MICU1: variants seen among roughly 807,000 people sequenced by gnomAD.
MICU1 encodes the protein calcium uptake protein 1, mitochondrial.
A neutral mutation model predicts 56.8 loss-of-function variants in MICU1; 45 were observed. The ratio of observed to expected loss-of-function variants is 0.79; its 90% CI spans 0.62 to 1.02. The LOEUF is 1.02. Ranked by LOEUF, MICU1 falls within the 50% of genes least tolerant of loss-of-function variation. The pLI is 0.00. For missense variants in MICU1, 504 were observed against 587.1 expected (o/e 0.86, Z 1.46); for synonymous variants, 186 against 195.1 (o/e 0.95, Z 0.39).
chr10:72,608,958 C>T (rs1048966657), intron 1 of MICU1, among the ~76,000 whole-genome samples: 2 of 152,202 alleles, frequency 1.3e-5, no homozygotes, highest in Admixed American at 6.5e-5. Flanking sequence ...CATGCTGGTT[C>T]TGAGGGCTGG....
intron 4 of MICU1, among the ~76,000 whole-genome samples, chr10:72,545,951 ATC>A: frequency 6.6e-6 from 1 of 152,304 alleles, no homozygotes; most frequent in Admixed American, 6.5e-5. Context: ...AATCTTAAAT[ATC>A]TGTTTTAATG....
At chr10:72,463,960 T>C (rs1865711996) in intron 8 of MICU1, among the ~76,000 whole-genome samples, 1 of 152,212 alleles carries the variant, frequency 6.6e-6, no homozygotes, top group Admixed American at 6.5e-5. Flanking sequence ...ATATGTTTAC[T>C]TACACAAATA....
Position 72,368,228 on chromosome 10 carries a change from T to G in MICU1, c.1398A>C (p.Glu466Asp). The G allele has an allele frequency of 3.1e-6, 5 of 1,613,802 alleles. No homozygotes were observed. The highest frequency in any genetic ancestry group is 4.2e-6 in the Non-Finnish European group (5 of 1,179,808). ...TGGGTAAAGCGAAGTCCCAGGCAGTTTCCTGTGCACATTTCCACATGGCCT... is the reference window on the plus strand; with the variant it reads ...TGGGTAAAGCGAAGTCCCAGGCAGTGTCCTGTGCACATTTCCACATGGCCT... Reference protein sequence around the residue: ...LMQAMWKCAQETAWDFALPKQ With the variant: ...LMQAMWKCAQDTAWDFALPKQ The change falls in exon 12 of 12, where the codon GAA becomes GAC. Residue 466 changes from glutamate (E) to aspartate (D), a missense_variant. Glu to Asp is a conservative substitution (Grantham distance 45). Transcript: ENST00000361114.
chr10:72,560,610 C>T (rs887907350), intron 3 of MICU1, among the ~76,000 whole-genome samples: 1 of 152,072 alleles, frequency 6.6e-6, no homozygotes, highest in Non-Finnish European at 1.5e-5. Flanking sequence ...TGGCTCATGC[C>T]TATAATCCCA....
intron 5 of MICU1, among the ~76,000 whole-genome samples, chr10:72,510,651 AT>A (rs34420198): frequency 2.7e-5 from 4 of 150,052 alleles, no homozygotes; most frequent in East Asian, 3.9e-4. Flanking sequence ...GTCCTTTTTT[AT>A]TTTTTTTTTG....
At chr10:72,411,068 GA>G (rs1863793470) in intron 9 of MICU1, among the ~76,000 whole-genome samples, 1 of 152,224 alleles carries the variant, frequency 6.6e-6, no homozygotes, top group South Asian at 2.1e-4. Flanking sequence ...GCTACAGGAT[GA>G]TGGCCCTCGA....
intron 1 of MICU1, among the ~76,000 whole-genome samples, chr10:72,567,489 C>G (rs1384141833): frequency 2.6e-5 from 4 of 152,068 alleles, no homozygotes; most frequent in Non-Finnish European, 5.9e-5. Flanking sequence ...ACTCACAGGG[C>G]AGAGATCAGA....
intron 8 of MICU1, among the ~76,000 whole-genome samples, chr10:72,428,292 T>C (rs1009867587): frequency 2.6e-5 from 4 of 152,182 alleles, no homozygotes; most frequent in African/African-American, 7.2e-5. Context: ...TAGAGCTTTC[T>C]ACTTCCAATC....
intron 1 of MICU1, among the ~76,000 whole-genome samples, chr10:72,600,334 T>C (rs1841493612): frequency 6.7e-6 from 1 of 149,264 alleles, no homozygotes; most frequent in South Asian, 2.1e-4. Flanking sequence ...ATGAGTCTTC[T>C]TTCTGTGGAA....
At chr10:72,435,381 G>A (rs1589216764) in intron 8 of MICU1, among the ~76,000 whole-genome samples, 1 of 85,376 alleles carries the variant, frequency 1.2e-5, no homozygotes, top group African/African-American at 5.2e-5. Context: ...GTGAGACCCT[G>A]TTACAAAAAA....
intron 5 of MICU1, 56 bp downstream of exon 5, chr10:72,533,690 A>G: frequency 7.5e-7 from 1 of 1,325,694 alleles, no homozygotes; most frequent in Non-Finnish European, 1.0e-6. Flanking sequence ...GAGGAACTTA[A>G]AAATCTTCTT....
intron 8 of MICU1, among the ~76,000 whole-genome samples, chr10:72,468,988 G>C (rs934725039): frequency 2.0e-5 from 3 of 152,146 alleles, no homozygotes; most frequent in African/African-American, 7.2e-5. Context: ...AAGTAGACCC[G>C]AGTTGGAATC....
intron 1 of MICU1, among the ~76,000 whole-genome samples, chr10:72,570,191 C>A (rs887763773): frequency 3.9e-5 from 6 of 152,034 alleles, no homozygotes; most frequent in African/African-American, 9.7e-5. Context: ...GTGATCTGCC[C>A]GCCTTGGCCT....
At chr10:72,450,750 G>A (rs569720709) in intron 8 of MICU1, among the ~76,000 whole-genome samples, 4 of 144,864 alleles carry the variant, frequency 2.8e-5, no homozygotes, top group Non-Finnish European at 4.5e-5. Context: ...TTTGAGATGG[G>A]ATCTCACTCT....
chr10:72,548,020 A>C (rs759353128), intron 4 of MICU1, among the ~76,000 whole-genome samples: 1 of 152,248 alleles, frequency 6.6e-6, no homozygotes, highest in Non-Finnish European at 1.5e-5. Context: ...AATTCTCAGC[A>C]GTAAGTGTTA....
At chr10:72,523,513 G>GA (rs1169003682) in intron 5 of MICU1, among the ~76,000 whole-genome samples, 1 of 152,080 alleles carries the variant, frequency 6.6e-6, no homozygotes, top group Non-Finnish European at 1.5e-5. Context: ...TGGTAAGAGG[G>GA]ACTACCAAAA....
chr10:72,535,983 T>A (rs2132415299), intron 4 of MICU1, among the ~76,000 whole-genome samples: 1 of 152,150 alleles, frequency 6.6e-6, no homozygotes, highest in South Asian at 2.1e-4. Context: ...CATGTTCTCA[T>A]CCCTACGTGG....
At chr10:72,413,094 G>A (rs773528800) in intron 9 of MICU1, among the ~76,000 whole-genome samples, 3 of 152,068 alleles carry the variant, frequency 2.0e-5, no homozygotes, top group South Asian at 2.1e-4. Flanking sequence ...CTACTCGGGA[G>A]GCTGAGGAAT....
In MICU1 at chr10:72,477,270, A is replaced by G. The variant is rs1158338874; in HGVS notation, c.653-14T>C. ...TTCTCTGAGGAGCTGCAGAGGAGAGAAAAAAAATATTTAGAAGGCATTGAC... is the reference window on the plus strand; with the variant it reads ...TTCTCTGAGGAGCTGCAGAGGAGAGGAAAAAAATATTTAGAAGGCATTGAC... On this transcript the variant is annotated splice_polypyrimidine_tract_variant and intron_variant, in intron 6 of 11. Transcript: ENST00000361114. The G allele has an allele frequency of 3.3e-6, 5 of 1,510,786 alleles. No homozygotes were observed. In the African/African-American group the frequency reaches 5.6e-5, roughly 17 times the overall value. 93.6% of individuals were successfully genotyped at this position (1,510,786 alleles called of 1,614,324 possible).
Sources: allele counts gnomAD v4.1 joint callset (sites outside exome capture counted in the v4.1 genomes callset), GRCh38; gene constraint gnomAD v4.1.1; transcripts MANE v1.5; gene names NCBI Gene and HGNC (gene_info 2026-07-23, HGNC 2026-07-21).